Variants in HMGCLL1 observed in about 807,000 individuals in gnomAD.
The protein encoded by HMGCLL1 is 3-hydroxymethyl-3-methylglutaryl-CoA lyase, cytoplasmic.
Under a neutral mutation model 39.1 loss-of-function variants are expected in HMGCLL1, and 36 were observed. That is an observed-to-expected ratio of 0.92 (90% CI 0.71 to 1.22). The LOEUF (loss-of-function observed/expected upper bound fraction) is 1.22. Among genes scored for constraint, HMGCLL1 ranks in the 50% most tolerant of loss-of-function variants. The probability of loss-of-function intolerance (pLI) is 0.00; values close to 1 mark genes in which losing one functional copy is unlikely to be tolerated. For missense variants in HMGCLL1, 451 were observed against 416.5 expected (o/e 1.08, Z -0.72); for synonymous variants, 149 against 144.0 (o/e 1.03, Z -0.25).
At chr6:55,523,068 C>G (rs571085120) in intron 3 of HMGCLL1, among the ~76,000 whole-genome samples, 8 of 151,876 alleles carry the variant, frequency 5.3e-5, no homozygotes, top group Non-Finnish European at 1.2e-4. Context: ...ATATAGGACT[C>G]TATATTTTGT....
At chr6:55,672,235 T>A in the HMGCLL1 span, among the ~76,000 whole-genome samples, 1 of 151,874 alleles carries the variant, frequency 6.6e-6, no homozygotes. Context: ...AATAAACTAA[T>A]CTACTTTATT....
intron 1 of HMGCLL1, among the ~76,000 whole-genome samples, chr6:55,571,355 C>T (rs1396619499): frequency 3.3e-5 from 5 of 152,072 alleles, no homozygotes; most frequent in Admixed American, 3.3e-4. Flanking sequence ...CTCAAGATAA[C>T]TGAATTCATT....
rs183208078 is a variant in HMGCLL1, at chr6:55,534,938, G to A, written c.297+6791C>T. 2.6e-5 allele frequency among the ~76,000 whole-genome samples: 4 copies of A among 152,280 alleles called. No individual in the cohort carries two copies. The East Asian group carries it at 5.8e-4, about 22-fold the overall frequency. On this transcript the variant is annotated intron_variant, in intron 3 of 8. Coordinates refer to ENST00000274901, the MANE Select transcript of HMGCLL1 (RefSeq NM_001042406.2). ...CAAGCTGCATAGTCAGTGAAAACAC[G>A]TTAGACCGATTGAAGCAATGTGGAG...
At chr6:55,571,623 G>A (rs1333499212) in intron 1 of HMGCLL1, among the ~76,000 whole-genome samples, 1 of 151,812 alleles carries the variant, frequency 6.6e-6, no homozygotes, top group Non-Finnish European at 1.5e-5. Context: ...GGCTAATGCG[G>A]TGAAACCCCA....
At chr6:55,595,750 A>C in the HMGCLL1 span, among the ~76,000 whole-genome samples, 2 of 152,198 alleles carry the variant, frequency 1.3e-5, no homozygotes, top group Non-Finnish European at 2.9e-5. Flanking sequence ...GAATCTGGCC[A>C]AACTGGGGGA....
At chr6:55,444,734 A>G (rs1763742176) in intron 7 of HMGCLL1, among the ~76,000 whole-genome samples, 1 of 152,090 alleles carries the variant, frequency 6.6e-6, no homozygotes, top group Non-Finnish European at 1.5e-5. Flanking sequence ...AAGTAGAAAA[A>G]GTAAAATATA....
chr6:55,538,729 G>A (rs79122389), intron 3 of HMGCLL1, among the ~76,000 whole-genome samples: 3,547 of 152,082 alleles, frequency 0.023, 62 homozygotes, highest in South Asian at 0.094. Flanking sequence ...ACTATGTACT[G>A]AGAAATGGGT....
At chr6:55,645,156 G>A in the HMGCLL1 span, among the ~76,000 whole-genome samples, 1 of 151,748 alleles carries the variant, frequency 6.6e-6, no homozygotes, top group South Asian at 2.1e-4. Flanking sequence ...AATTGTATTT[G>A]TGACTATTGT....
intron 5 of HMGCLL1, 133 bp from the exon 6 acceptor site, chr6:55,499,432 T>A: frequency 1.7e-6 from 1 of 588,398 alleles, no homozygotes; most frequent in East Asian, 3.1e-5. Flanking sequence ...TATTTTGTCA[T>A]TGGACCAAAC....
intron 1 of HMGCLL1, among the ~76,000 whole-genome samples, chr6:55,568,396 T>C (rs1771315297): frequency 6.6e-6 from 1 of 152,204 alleles, no homozygotes; most frequent in Admixed American, 6.5e-5. Flanking sequence ...TAAATATCCC[T>C]ATGTAATTGT....
At chr6:55,601,815 C>T in the HMGCLL1 span, among the ~76,000 whole-genome samples, 1 of 152,062 alleles carries the variant, frequency 6.6e-6, no homozygotes, top group Non-Finnish European at 1.5e-5. Flanking sequence ...ATGTTAATTT[C>T]ACATATTAAA....
intron 7 of HMGCLL1, among the ~76,000 whole-genome samples, chr6:55,442,573 C>T (rs1763650820): frequency 6.6e-6 from 1 of 152,212 alleles, no homozygotes; most frequent in East Asian, 1.9e-4. Context: ...GGAAGAACTA[C>T]AGTCCTTAAA....
intron 3 of HMGCLL1, among the ~76,000 whole-genome samples, chr6:55,535,829 T>C (rs745831534): frequency 1.1e-4 from 16 of 152,262 alleles, no homozygotes; most frequent in East Asian, 3.9e-4. Flanking sequence ...AGCAAGCAAT[T>C]TGGGGGCTCT....
At chr6:55,464,411 C>A (rs577300245) in intron 7 of HMGCLL1, among the ~76,000 whole-genome samples, 30 of 152,222 alleles carry the variant, frequency 2.0e-4, no homozygotes, top group Admixed American at 5.9e-4. Flanking sequence ...AAGGCCGTTT[C>A]TACTGCCAGG....
chr6:55,578,938 G>A lies in HMGCLL1; in HGVS notation c.108+10C>T. On this transcript the variant is annotated intron_variant, in intron 1 of 8. Transcript: ENST00000274901. ...TGAGGGTGGGGACACCCTGGGCCGC[G>A]AGGTGGTACCTGCGCGGGGTCGAGC... 1 of 1,603,252 alleles carries A rather than the reference G, an allele frequency of 6.2e-7. No individual in the cohort carries two copies.
chr6:55,495,325 GA>G, intron 7 of HMGCLL1, 93 bp downstream of exon 7: 1 of 976,090 alleles, frequency 1.0e-6, no homozygotes, highest in Non-Finnish European at 1.5e-6. Context: ...AACATTTTAT[GA>G]AAATTGTAAC....
chr6:55,553,275 A>G (rs114278609), intron 1 of HMGCLL1, among the ~76,000 whole-genome samples: 9 of 51,632 alleles, frequency 1.7e-4, no homozygotes, highest in Non-Finnish European at 2.4e-4. Flanking sequence ...GTGTGTATGT[A>G]TGTATGTATG....
At chr6:55,462,207 T>C (rs1266895607) in intron 7 of HMGCLL1, among the ~76,000 whole-genome samples, 1 of 152,178 alleles carries the variant, frequency 6.6e-6, no homozygotes, top group Non-Finnish European at 1.5e-5. Flanking sequence ...TTCTCTATGC[T>C]TACCTTTCTA....
intron 1 of HMGCLL1, among the ~76,000 whole-genome samples, chr6:55,548,143 T>C (rs890082513): frequency 6.6e-6 from 1 of 152,040 alleles, no homozygotes; most frequent in Non-Finnish European, 1.5e-5. Context: ...CTTAACTTAC[T>C]ACATCAAAAA....
Sources: gnomAD v4.1 joint callset for allele counts (sites outside exome capture counted in the v4.1 genomes callset) on GRCh38, gnomAD v4.1.1 for gene constraint, MANE v1.5 for transcripts, NCBI Gene and HGNC (gene_info 2026-07-23, HGNC 2026-07-21) for gene names.